The following IL1RAPL1 variants were observed in gnomAD, a reference collection of about 807,000 sequenced individuals.
IL1RAPL1 encodes the protein interleukin 1 receptor accessory protein like 1.
IL1RAPL1 carries 3 observed loss-of-function variants against 48.4 expected under a neutral mutation model. The ratio of observed to expected loss-of-function variants is 0.06; its 90% CI spans 0.03 to 0.16. The LOEUF (loss-of-function observed/expected upper bound fraction) is 0.16. IL1RAPL1 is among the 10% of genes least tolerant of loss of function. The probability of loss-of-function intolerance (pLI) is 1.00; values close to 1 mark genes in which losing one functional copy is unlikely to be tolerated. For synonymous variants in IL1RAPL1, 185 were observed against 187.7 expected (o/e 0.99, Z 0.12); for missense variants, 349 against 530.6 (o/e 0.66, Z 3.36).
At chrX:29,329,848 T>C (rs1932870365) in intron 3 of IL1RAPL1, among the ~76,000 whole-genome samples, 1 of 110,242 alleles carries the variant, frequency 9.1e-6, no homozygotes, top group Non-Finnish European at 1.9e-5. Context: ...TGATACATGT[T>C]ACAACATTGC....
rs191853019 is a variant in IL1RAPL1, at chrX:29,768,083, G to A, written c.778+99579G>A. ...TCTACTTCATGACCCCAGCCAAATA[G>A]CATACAATGTTTAACTCCTTACAAA... On this transcript the variant is annotated intron_variant, in intron 6 of 10. Transcript: ENST00000378993. Among the ~76,000 whole-genome samples, 125 of 111,522 alleles carry A rather than the reference G, an allele frequency of 1.1e-3. 1 individual carries two copies. Among genetic ancestry groups the A allele is most frequent in the African/African-American group, 3.7e-3 (115 of 30,800 alleles).
rs1933418633 is a variant in IL1RAPL1 at position 29,956,171 on chromosome X, A to G, written c.*351A>G. 1.8e-5 allele frequency: 4 copies of G among 220,676 alleles called. No individual in the cohort carries two copies. Among genetic ancestry groups the G allele is most frequent in the Non-Finnish European group, 3.2e-5 (4 of 124,142 alleles). 18.2% of individuals were successfully genotyped at this position (220,676 alleles called of 1,213,427 possible). A position where few individuals can be genotyped will look rare whatever the true frequency, so the allele number is the denominator to read the frequency against. On this transcript the variant is annotated 3_prime_UTR_variant, in exon 11 of 11. Coordinates refer to ENST00000378993, the MANE Select transcript of IL1RAPL1 (RefSeq NM_014271.4). ...TTTTTATTTTATTTCCTTTTTTAAA[A>G]TTTTACTTTGCTTTTAACATTTCCT...
chrX:28,860,009 A>C (rs1221684503), intron 2 of IL1RAPL1, among the ~76,000 whole-genome samples: 2 of 111,324 alleles, frequency 1.8e-5, no homozygotes, highest in Admixed American at 1.9e-4. Flanking sequence ...TCATATTAGT[A>C]AGATTTCTGT....
Position 29,041,551 on chromosome X carries a change from A to C in IL1RAPL1, c.83-241387A>C, listed in dbSNP as rs1467392660. Among the ~76,000 whole-genome samples, 7 of 112,399 alleles carry C rather than the reference A, an allele frequency of 6.2e-5. No homozygotes were observed. In the Admixed American group the frequency reaches 6.6e-4, roughly 11 times the overall value. On this transcript the variant is annotated intron_variant, in intron 2 of 10. Coordinates refer to ENST00000378993, the MANE Select transcript of IL1RAPL1 (RefSeq NM_014271.4). Reference sequence around the variant, plus strand: ...TAAAGTACTTTCAAGATTCATTGTCAGTTTGTCTTCATTTGCATTTCTGGT... The same window carrying C: ...TAAAGTACTTTCAAGATTCATTGTCCGTTTGTCTTCATTTGCATTTCTGGT...
At chrX:29,563,955 G>T (rs868111031) in intron 5 of IL1RAPL1, among the ~76,000 whole-genome samples, 1 of 111,678 alleles carries the variant, frequency 9.0e-6, no homozygotes, top group Non-Finnish European at 1.9e-5. Context: ...TTGGAGAGGG[G>T]TTTCTTTACT....
At chrX:28,774,046 T>A (rs910914522) in intron 1 of IL1RAPL1, among the ~76,000 whole-genome samples, 1 of 112,116 alleles carries the variant, frequency 8.9e-6, no homozygotes, top group Non-Finnish European at 1.9e-5. Context: ...CAAAACTTTT[T>A]CTGGTTTTAC....
At chrX:29,255,015 G>A (rs951930127) in intron 2 of IL1RAPL1, among the ~76,000 whole-genome samples, 3 of 110,396 alleles carry the variant, frequency 2.7e-5, no homozygotes, top group East Asian at 5.7e-4. Context: ...AATATGCTCT[G>A]AAATCGTGTC....
chrX:28,599,348 C>G (rs1342977184), intron 1 of IL1RAPL1, among the ~76,000 whole-genome samples: 1 of 110,375 alleles, frequency 9.1e-6, no homozygotes, highest in African/African-American at 3.3e-5. Context: ...GTATTACTTT[C>G]CTCCTGGCGT....
chrX:28,803,542 A>T (rs1013338448), intron 2 of IL1RAPL1, among the ~76,000 whole-genome samples: 1 of 112,011 alleles, frequency 8.9e-6, no homozygotes, highest in Admixed American at 9.5e-5. Context: ...AAAAATTTTC[A>T]AAGGGTCTTA....
intron 3 of IL1RAPL1, among the ~76,000 whole-genome samples, chrX:29,317,056 T>G: frequency 9.0e-6 from 1 of 111,404 alleles, no homozygotes; most frequent in Non-Finnish European, 1.9e-5. Flanking sequence ...CTGGTCCATT[T>G]GTGACGGGCT....
intron 6 of IL1RAPL1, among the ~76,000 whole-genome samples, chrX:29,751,989 G>GTATATATA (rs1299699663): frequency 4.9e-4 from 49 of 99,406 alleles, no homozygotes; most frequent in Non-Finnish European, 8.7e-4. Context: ...ATATGTGTGT[G>GTATATATA]TATATATATA....
chrX:28,698,422 A>T (rs2146928738), intron 1 of IL1RAPL1, among the ~76,000 whole-genome samples: 1 of 111,240 alleles, frequency 9.0e-6, no homozygotes, highest in East Asian at 2.8e-4. Flanking sequence ...GATTAACCAA[A>T]TTTTAAAATT....
At position 29,876,471 on chromosome X, in the gene IL1RAPL1, A is replaced by G. The variant is rs756051655; in HGVS notation, c.779-40993A>G. Among the ~76,000 whole-genome samples the G allele has an allele frequency of 4.5e-5, 5 of 111,982 alleles. No individual in the cohort carries two copies. In the South Asian group the frequency reaches 1.9e-3, roughly 42 times the overall value. On this transcript the variant is annotated intron_variant, in intron 6 of 10. Coordinates refer to ENST00000378993, the MANE Select transcript of IL1RAPL1 (RefSeq NM_014271.4). ...GAAGAGGCCTGGAAAATTGCAGTAAAACAGAGCAAATAGGATAAGAGACTA... is the reference window on the plus strand; with the variant it reads ...GAAGAGGCCTGGAAAATTGCAGTAAGACAGAGCAAATAGGATAAGAGACTA...
intron 5 of IL1RAPL1, among the ~76,000 whole-genome samples, chrX:29,512,150 C>A (rs1048829365): frequency 2.7e-5 from 3 of 110,103 alleles, no homozygotes; most frequent in Non-Finnish European, 3.8e-5. Context: ...ATTACAAAAT[C>A]GAGTCTTACA....
At chrX:29,631,790 G>A (rs1429865119) in intron 5 of IL1RAPL1, among the ~76,000 whole-genome samples, 2 of 110,171 alleles carry the variant, frequency 1.8e-5, no homozygotes, top group Non-Finnish European at 3.8e-5. Context: ...GCAAGACTCT[G>A]TCTCAAATAA....
chrX:29,339,743 A>G (rs1208881116), intron 3 of IL1RAPL1, among the ~76,000 whole-genome samples: 1 of 112,075 alleles, frequency 8.9e-6, no homozygotes, highest in African/African-American at 3.2e-5. Flanking sequence ...TTTCCTTAAC[A>G]TTCTTCTTCT....
chrX:29,320,195 A>C (rs1440091335), intron 3 of IL1RAPL1, among the ~76,000 whole-genome samples: 1 of 112,362 alleles, frequency 8.9e-6, no homozygotes, highest in Non-Finnish European at 1.9e-5. Flanking sequence ...TGTAGAGGTC[A>C]TCCAAATGTC....
chrX:29,824,684 A>C (rs140972648), intron 6 of IL1RAPL1, among the ~76,000 whole-genome samples: 8 of 112,109 alleles, frequency 7.1e-5, no homozygotes, highest in African/African-American at 2.6e-4. Context: ...AATCTTAAAA[A>C]AGGAAGTGTC....
At chrX:29,063,886 AT>A (rs1321727465) in intron 2 of IL1RAPL1, among the ~76,000 whole-genome samples, 1 of 111,685 alleles carries the variant, frequency 9.0e-6, no homozygotes, top group Non-Finnish European at 1.9e-5. Flanking sequence ...AGGCTTTCCT[AT>A]TTTTTTCCTA....
Sources: allele counts gnomAD v4.1 joint callset (sites outside exome capture counted in the v4.1 genomes callset), GRCh38; gene constraint gnomAD v4.1.1; transcripts MANE v1.5; gene names NCBI Gene and HGNC (gene_info 2026-07-23, HGNC 2026-07-21).